Variants in RGS7 observed in about 807,000 individuals in gnomAD.
The protein encoded by RGS7 is regulator of G-protein signaling 7.
In RGS7, 27 loss-of-function variants were observed where a neutral mutation model predicts 81.1. The ratio of observed to expected loss-of-function variants is 0.33; its 90% confidence interval spans 0.25 to 0.46. The LOEUF (loss-of-function observed/expected upper bound fraction) is 0.46. RGS7 is among the 20% of genes least tolerant of loss of function. The probability of loss-of-function intolerance (pLI) is 1.00; values close to 1 mark genes in which losing one functional copy is unlikely to be tolerated. For missense variants in RGS7, 396 were observed against 607.4 expected (o/e 0.65, Z 3.66); for synonymous variants, 208 against 207.7 (o/e 1.00, Z -0.01).
intron 6 of RGS7, among the ~76,000 whole-genome samples, chr1:240,910,260 G>A (rs1474399888): frequency 6.6e-6 from 1 of 152,202 alleles, no homozygotes; most frequent in African/African-American, 2.4e-5. Flanking sequence ...GTGGAACACG[G>A]TTTGTATGTA....
intron 2 of RGS7, among the ~76,000 whole-genome samples, chr1:241,309,726 GT>G (rs1411107052): frequency 6.6e-6 from 1 of 152,196 alleles, no homozygotes; most frequent in African/African-American, 2.4e-5. Context: ...AGGAGTCCTG[GT>G]TTACTGAAAA....
At chr1:240,828,695 G>A (rs1050372183) in intron 9 of RGS7, among the ~76,000 whole-genome samples, 2 of 152,208 alleles carry the variant, frequency 1.3e-5, no homozygotes, top group African/African-American at 4.8e-5. Context: ...GCTGAGGCAG[G>A]ATAATGGCTT....
chr1:241,098,045 T>C (rs1226647497), intron 3 of RGS7, among the ~76,000 whole-genome samples: 1 of 152,234 alleles, frequency 6.6e-6, no homozygotes, highest in Non-Finnish European at 1.5e-5. Flanking sequence ...CACAGTGCTA[T>C]TGCCCTTACT....
chr1:241,189,973 G>T (rs1197771892), intron 2 of RGS7, among the ~76,000 whole-genome samples: 1 of 152,106 alleles, frequency 6.6e-6, no homozygotes, highest in East Asian at 1.9e-4. Context: ...CGCGGTGGTG[G>T]GCACCTGTAG....
intron 2 of RGS7, among the ~76,000 whole-genome samples, chr1:241,199,066 A>C (rs1181879264): frequency 1.3e-5 from 2 of 152,214 alleles, no homozygotes; most frequent in East Asian, 3.8e-4. Flanking sequence ...TATGAAGAGA[A>C]TAAAAGGAAA....
chr1:241,152,154 A>C (rs919104214), intron 2 of RGS7, among the ~76,000 whole-genome samples: 4 of 152,068 alleles, frequency 2.6e-5, no homozygotes, highest in Admixed American at 6.6e-5. Context: ...AAAAAAAAAA[A>C]AGATCTTTGG....
chr1:241,294,884 G>C (rs985376163), intron 2 of RGS7, among the ~76,000 whole-genome samples: 25 of 152,182 alleles, frequency 1.6e-4, no homozygotes, highest in African/African-American at 5.5e-4. Flanking sequence ...GTTTGTGTAA[G>C]TACACGCTAT....
intron 18 of RGS7, among the ~76,000 whole-genome samples, chr1:240,785,478 T>C (rs1355678708): frequency 1.3e-5 from 2 of 152,240 alleles, no homozygotes; most frequent in Non-Finnish European, 1.5e-5. Context: ...TCTGGCCTGA[T>C]GAAGTGATAA....
At chr1:240,814,028 T>G (rs1690356688) in intron 12 of RGS7, among the ~76,000 whole-genome samples, 1 of 151,990 alleles carries the variant, frequency 6.6e-6, no homozygotes, top group African/African-American at 2.4e-5. Context: ...CCGCTAAGAG[T>G]CAGTTCCAAT....
intron 3 of RGS7, among the ~76,000 whole-genome samples, chr1:241,082,907 C>T (rs994584367): frequency 6.6e-6 from 1 of 151,990 alleles, no homozygotes; most frequent in Non-Finnish European, 1.5e-5. Flanking sequence ...TGTCATTGCC[C>T]AGCAGGATTT....
rs201406339 is a variant in RGS7, at chr1:240,872,379, A to G, written c.386-2260T>C. Among the ~76,000 whole-genome samples the G allele has an allele frequency of 5.9e-5, 9 of 152,236 alleles. No homozygotes were observed. The East Asian group carries it at 1.7e-3, about 30-fold the overall frequency. On this transcript the variant is annotated intron_variant, in intron 6 of 18. Coordinates refer to ENST00000440928, the MANE Select transcript of RGS7 (RefSeq NM_001364886.1). ...GAGGCTGAGGAAGGAGGATCATTTG[A>G]GACTAGTAGTTTGAGGCTGCAGTGA...
intron 3 of RGS7, among the ~76,000 whole-genome samples, chr1:241,063,219 C>T (rs1482324069): frequency 6.6e-6 from 1 of 151,992 alleles, no homozygotes; most frequent in Admixed American, 6.6e-5. Context: ...CACTGGGATG[C>T]AAAAGAAGCA....
intron 3 of RGS7, among the ~76,000 whole-genome samples, chr1:241,074,112 G>A (rs1653332221): frequency 6.6e-6 from 1 of 152,082 alleles, no homozygotes; most frequent in Admixed American, 6.5e-5. Flanking sequence ...TGTTGGCCAG[G>A]CTGGCAAACT....
chr1:241,230,720 C>G (rs1219235067), intron 2 of RGS7, among the ~76,000 whole-genome samples: 1 of 152,110 alleles, frequency 6.6e-6, no homozygotes, highest in African/African-American at 2.4e-5. Flanking sequence ...GGGACCAGGC[C>G]CCCTTCACCC....
At position 240,932,513 on chromosome 1, in the gene RGS7, CT is replaced by C. The variant is rs56232293; in HGVS notation, c.334-1746del. ...AACTTTGCTTTCATGTAGGGTGTCA[CT>C]TTTTTTTTTTTTGAGACAGGGTCTC... On this transcript the variant is annotated intron_variant, in intron 5 of 18. Transcript: ENST00000440928. Among the ~76,000 whole-genome samples the C allele has an allele frequency of 2.4e-5, 3 of 126,878 alleles. 1 individual carries two copies. Among genetic ancestry groups the C allele is most frequent in the African/African-American group, 9.1e-5 (3 of 32,966 alleles). The allele number at this position is 126,878 out of a possible 152,430, so 83.2% of individuals were successfully genotyped here.
In RGS7 at chr1:241,233,367, C is replaced by T. The variant is rs2075768243; in HGVS notation, c.78+122332G>A. ...CTGTGTATCTGTACCCATTAATCAA[C>T]TTCTCTTCCCTCCTCCACACTGCCA... is the stretch of plus-strand genomic sequence containing the variant. On this transcript the variant is annotated intron_variant, in intron 2 of 18. Coordinates refer to ENST00000440928, the MANE Select transcript of RGS7 (RefSeq NM_001364886.1). Among the ~76,000 whole-genome samples, 5 of 152,314 alleles carry T rather than the reference C, an allele frequency of 3.3e-5. No individual in the cohort carries two copies. The South Asian group carries it at 1.0e-3, about 32-fold the overall frequency.
intron 18 of RGS7, among the ~76,000 whole-genome samples, chr1:240,795,436 T>C (rs1341849443): frequency 6.6e-6 from 1 of 152,196 alleles, no homozygotes; most frequent in Non-Finnish European, 1.5e-5. Flanking sequence ...CCTTCCAGAA[T>C]AAGTTATTTT....
intron 3 of RGS7, among the ~76,000 whole-genome samples, chr1:241,049,764 G>A (rs2061150358): frequency 6.6e-6 from 1 of 152,182 alleles, no homozygotes; most frequent in South Asian, 2.1e-4. Flanking sequence ...CTTTGGTCAT[G>A]TAAAAGCTGA....
At chr1:241,183,805 C>T (rs1357458434) in intron 2 of RGS7, among the ~76,000 whole-genome samples, 4 of 152,164 alleles carry the variant, frequency 2.6e-5, no homozygotes, top group Non-Finnish European at 5.9e-5. Context: ...GAAAAGTAAA[C>T]AGTAAGGAGA....
Sources: allele counts gnomAD v4.1 joint callset (sites outside exome capture counted in the v4.1 genomes callset), GRCh38; gene constraint gnomAD v4.1.1; transcripts MANE v1.5; gene names NCBI Gene and HGNC (gene_info 2026-07-23, HGNC 2026-07-21).